The following ERI2 variants were observed in gnomAD, a reference collection of about 807,000 sequenced individuals.
ERI2 encodes the protein ERI1 exoribonuclease 2.
Under a neutral mutation model 46.8 loss-of-function variants are expected in ERI2, and 35 were observed. That is an observed-to-expected ratio of 0.75 (90% CI 0.57 to 0.99). The LOEUF (loss-of-function observed/expected upper bound fraction) is 0.99. Ranked by LOEUF, ERI2 falls within the 50% of genes least tolerant of loss-of-function variation. ERI2 has a pLI of 0.00. For synonymous variants in ERI2, 224 were observed against 271.0 expected (o/e 0.83, Z 1.70); for missense variants, 695 against 796.2 (o/e 0.87, Z 1.53).
At chr16:20,801,074 A>T in intron 5 of ERI2, 129 bp downstream of exon 5, 1 of 801,240 alleles carries the variant, frequency 1.2e-6, no homozygotes, top group Non-Finnish European at 1.8e-6. Context: ...CTAGGCATTT[A>T]AATTTTTTTT....
intron 6 of ERI2, 34 bp from the exon 7 acceptor site, chr16:20,800,072 A>T (rs1334858010): frequency 1.5e-6 from 2 of 1,335,090 alleles, no homozygotes; most frequent in Admixed American, 3.9e-5. Context: ...TTAAAAGAAG[A>T]TTACTATTTT....
chr16:20,792,517 T>C, downstream of ERI2: 1 of 985,250 alleles, frequency 1.0e-6, no homozygotes, highest in African/African-American at 1.7e-5. Context: ...GTTGCAGCTC[T>C]GATCCTAACA....
Position 20,797,121 on chromosome 16 carries a change from C to A in ERI2, c.*603G>T. The A allele has an allele frequency of 7.3e-7, 1 of 1,369,934 alleles. No individual in the cohort carries two copies. The highest frequency in any genetic ancestry group is 1.9e-5 in the South Asian group (1 of 52,414). The allele number at this position is 1,369,934 out of a possible 1,614,324, so 84.9% of individuals were successfully genotyped here. ...TATCTTGTGGTTATGATATCAGAGG[C>A]TAAATTTTGAAATAAAATATTTGGC... On this transcript the variant is annotated 3_prime_UTR_variant, in exon 9 of 9. Coordinates refer to ENST00000357967, the MANE Select transcript of ERI2 (RefSeq NM_001142725.2).
intron 6 of ERI2, 43 bp downstream of exon 6, chr16:20,800,259 T>C (rs2080782150): frequency 7.4e-7 from 1 of 1,358,828 alleles, no homozygotes; most frequent in African/African-American, 1.4e-5. Flanking sequence ...TTAATCATTT[T>C]TCCATAGAAA....
At chr16:20,792,900 T>C (rs1030922016), downstream of ERI2, among the ~76,000 whole-genome samples, 11 of 152,212 alleles carry the variant, frequency 7.2e-5, no homozygotes, top group African/African-American at 2.4e-4. Context: ...AAAAGTACCA[T>C]GCCAGGCAGC....
chr16:20,785,190 A>T, intron 10 of ERI2: 4 of 1,534,430 alleles, frequency 2.6e-6, no homozygotes, highest in African/African-American at 1.4e-5. Context: ...TCTCCTTATG[A>T]TTATTTGAGG....
chr16:20,797,138 AT>A lies in ERI2; in HGVS notation c.*585del. 1 of 1,364,598 alleles carries A rather than the reference AT, an allele frequency of 7.3e-7. No homozygotes were observed. The allele number at this position is 1,364,598 out of a possible 1,614,324, so 84.5% of individuals were successfully genotyped here. The stretch of plus-strand genomic sequence containing the variant: ...ATCAGAGGCTAAATTTTGAAATAAA[AT>A]ATTTGGCAAATTCCTCCACATTAGT... On this transcript the variant is annotated 3_prime_UTR_variant, in exon 9 of 9. Transcript: ENST00000357967.
intron 10 of ERI2, chr16:20,780,914 T>C (rs1194288314): frequency 4.3e-6 from 7 of 1,612,762 alleles, no homozygotes; most frequent in African/African-American, 4.0e-5. Context: ...TGATGACTTA[T>C]GTACTGGTCT....
chr16:20,792,299 A>C, downstream of ERI2: 1 of 1,614,130 alleles, frequency 6.2e-7, no homozygotes, highest in Non-Finnish European at 8.5e-7. Flanking sequence ...TTGCAGAGTC[A>C]GCTGTTGTCA....
At chr16:20,785,068 G>C (rs766197968) in intron 10 of ERI2, 1 of 1,613,562 alleles carries the variant, frequency 6.2e-7, no homozygotes, top group Non-Finnish European at 8.5e-7. Flanking sequence ...GAAACAAGAC[G>C]GGCCTGGATA....
At chr16:20,781,923 C>T (rs1223408907) in intron 10 of ERI2, 4 of 650,476 alleles carry the variant, frequency 6.1e-6, no homozygotes, top group East Asian at 5.7e-5. Context: ...CTTCCTCTTT[C>T]TCCTTCTTGC....
chr16:20,796,842 G>A lies in ERI2; in HGVS notation c.*882C>T, dbSNP rs376293834. ...TGCTATATAATTGGCTTTATGTAAAGATAAAAATTTCCAGGCTAATTTTCT... is the reference window on the plus strand; with the variant it reads ...TGCTATATAATTGGCTTTATGTAAAAATAAAAATTTCCAGGCTAATTTTCT... On this transcript the variant is annotated 3_prime_UTR_variant, in exon 9 of 9. Coordinates refer to ENST00000357967, the MANE Select transcript of ERI2 (RefSeq NM_001142725.2). 1.2e-6 allele frequency: 2 copies of A among 1,605,646 alleles called. No homozygotes were observed. The highest frequency in any genetic ancestry group is 2.7e-5 in the African/African-American group (2 of 74,214).
At chr16:20,804,333 C>T (rs2080827020) in intron 1 of ERI2, among the ~76,000 whole-genome samples, 1 of 152,114 alleles carries the variant, frequency 6.6e-6, no homozygotes, top group Non-Finnish European at 1.5e-5. Flanking sequence ...CAATGTAGGA[C>T]ATGGTTCAGT....
Position 20,800,406 on chromosome 16 carries a change from C to T in ERI2, c.461-4G>A. 1.3e-6 allele frequency: 2 copies of T among 1,558,880 alleles called. No homozygotes were observed. On this transcript the variant is annotated splice_polypyrimidine_tract_variant and splice_region_variant and intron_variant, in intron 5 of 8. Transcript: ENST00000357967. The stretch of plus-strand genomic sequence containing the variant: ...AGGCAAACCCCCAAGTCCCAGTCTG[C>T]ATTAGGTACATTAAAATAGAACAAA...
intron 10 of ERI2, among the ~76,000 whole-genome samples, chr16:20,783,752 T>A (rs1424204145): frequency 6.6e-6 from 1 of 152,290 alleles, no homozygotes; most frequent in South Asian, 2.1e-4. Flanking sequence ...GAGTTTCCAG[T>A]TTCTTGTCTA....
chr16:20,791,447 A>G (rs2080595187), downstream of ERI2, among the ~76,000 whole-genome samples: 1 of 152,212 alleles, frequency 6.6e-6, no homozygotes, highest in Admixed American at 6.5e-5. Flanking sequence ...TGCAATATTT[A>G]TTTTGTAATC....
intron 1 of ERI2, among the ~76,000 whole-genome samples, chr16:20,805,306 T>TCCCA (rs907854958): frequency 4.0e-5 from 6 of 151,746 alleles, no homozygotes; most frequent in African/African-American, 1.5e-4. Context: ...ATGCCTGTAA[T>TCCCA]CCCAGCTACT....
chr16:20,781,882 C>T lies in ERI2; in HGVS notation c.895-1148G>A, dbSNP rs1026728403. On this transcript the variant is annotated intron_variant, in intron 10 of 10. Coordinates refer to the ERI2 transcript ENST00000300005. ...TTTCTGCCTGAAACATAGCTCCAAG[C>T]CAGTAGACACAGGATTTAGCAATCT... The T allele has an allele frequency of 1.2e-5, 11 of 906,674 alleles. No homozygotes were observed. The Admixed American group carries it at 2.5e-4, about 21-fold the overall frequency. The allele number at this position is 906,674 out of a possible 1,614,324, so 56.2% of individuals were successfully genotyped here. A position where few individuals can be genotyped will look rare whatever the true frequency, so the allele number is the denominator to read the frequency against.
At chr16:20,806,272 G>A (rs2080870549) in intron 1 of ERI2, 136 bp downstream of exon 1, 3 of 1,447,338 alleles carry the variant, frequency 2.1e-6, no homozygotes, top group Non-Finnish European at 2.7e-6. Flanking sequence ...GTGCCAGAGA[G>A]GGCAGGTCGC....
Sources: gnomAD v4.1 joint callset for allele counts (sites outside exome capture counted in the v4.1 genomes callset) on GRCh38, gnomAD v4.1.1 for gene constraint, MANE v1.5 for transcripts, NCBI Gene and HGNC (gene_info 2026-07-23, HGNC 2026-07-21) for gene names.